Variants in EPC2 observed in about 807,000 individuals in gnomAD.
EPC2 encodes the protein enhancer of polycomb homolog 2.
A neutral mutation model predicts 92.1 loss-of-function variants in EPC2; 14 were observed. That is an observed-to-expected ratio of 0.15 (90% CI 0.10 to 0.24). EPC2 has a LOEUF of 0.24. Ranked by LOEUF, EPC2 falls within the 10% of genes least tolerant of loss-of-function variation. The probability of loss-of-function intolerance (pLI) is 1.00; values close to 1 mark genes in which losing one functional copy is unlikely to be tolerated. For missense variants in EPC2, 755 were observed against 971.5 expected, an observed-to-expected ratio of 0.78 and a Z score of 2.96; for synonymous variants, 340 against 334.7, an observed-to-expected ratio of 1.02 and a Z score of -0.17.
intron 7 of EPC2, among the ~76,000 whole-genome samples, chr2:148,768,287 TGG>T (rs1683453971): frequency 6.6e-6 from 1 of 152,184 alleles, no homozygotes; most frequent in African/African-American, 2.4e-5. Context: ...TTAATAATTA[TGG>T]GTGGAAATTT....
chr2:148,647,213 A>G (rs1460126534), intron 1 of EPC2, among the ~76,000 whole-genome samples: 1 of 152,192 alleles, frequency 6.6e-6, no homozygotes, highest in African/African-American at 2.4e-5. Context: ...TTAGTATGCC[A>G]CATATGTTTT....
rs115182907 is a variant in EPC2, at chr2:148,760,483, G to A, written c.667-1299G>A. On this transcript the variant is annotated intron_variant, in intron 4 of 13. Transcript: ENST00000258484. ...ATCCTTACTAGATTCTAAGCCTTTT[G>A]AGGGTAAGGGACATGTGCAATACCC... Among the ~76,000 whole-genome samples the A allele has an allele frequency of 7.2e-3, 1,090 of 152,204 alleles. 6 individuals carry two copies. The highest frequency in any genetic ancestry group is 0.025 in the African/African-American group (1,025 of 41,506).
rs1306942293 is a variant in EPC2, at chr2:148,784,670, A to C, written c.2020A>C (p.Thr674Pro). Residue 674 changes from threonine (T) to proline (P), a missense_variant and splice_region_variant, in exon 13 of 14, where the codon ACC (threonine) becomes CCC (proline). Physicochemically the swap from Thr to Pro is conservative, Grantham distance 38. This residue lies in a region of EPC2 where 207 missense variants were observed against 260.5 expected (regional missense o/e 0.79). Coordinates refer to ENST00000258484, the MANE Select transcript of EPC2 (RefSeq NM_015630.4). ...TGAATGACTTCTTTCTTTTTCAGGA[A>C]CCTCTAAAACATTATACTCCACCAA... ...NINGVVQPSGTSKTLYSTNMA... is the reference protein window; with the variant it reads ...NINGVVQPSGPSKTLYSTNMA... 8.3e-6 allele frequency: 13 copies of C among 1,570,646 alleles called. No individual in the cohort carries two copies. Among genetic ancestry groups the C allele is most frequent in the Admixed American group, 1.9e-5 (1 of 52,392 alleles).
intron 2 of EPC2, among the ~76,000 whole-genome samples, chr2:148,727,864 T>G (rs746728560): frequency 3.3e-5 from 5 of 152,068 alleles, no homozygotes; most frequent in Non-Finnish European, 7.4e-5. Flanking sequence ...AAAAGAAAAG[T>G]GTATAAAAAT....
intron 4 of EPC2, among the ~76,000 whole-genome samples, chr2:148,754,428 T>C: frequency 6.6e-6 from 1 of 152,200 alleles, no homozygotes; most frequent in East Asian, 1.9e-4. Flanking sequence ...TGCTTGCAGT[T>C]GAAGTGATAA....
At chr2:148,688,525 C>G (rs1681576097) in intron 1 of EPC2, among the ~76,000 whole-genome samples, 1 of 152,022 alleles carries the variant, frequency 6.6e-6, no homozygotes, top group African/African-American at 2.4e-5. Flanking sequence ...AACAAACCTG[C>G]ACATTGTACA....
At chr2:148,772,420 G>C (rs939439394) in intron 10 of EPC2, among the ~76,000 whole-genome samples, 1 of 151,972 alleles carries the variant, frequency 6.6e-6, no homozygotes, top group African/African-American at 2.4e-5. Flanking sequence ...ATTATTTCCT[G>C]GATGATGCAT....
chr2:148,646,625 C>T (rs1174841764), intron 1 of EPC2, among the ~76,000 whole-genome samples: 4 of 148,742 alleles, frequency 2.7e-5, no homozygotes, highest in Non-Finnish European at 4.4e-5. Context: ...TTGTTTCTAA[C>T]GACTCAGTTT....
chr2:148,678,101 G>A (rs1681308716), intron 1 of EPC2, among the ~76,000 whole-genome samples: 1 of 152,196 alleles, frequency 6.6e-6, no homozygotes, highest in Non-Finnish European at 1.5e-5. Context: ...GGCGCTGATT[G>A]GCGCATTTAC....
At chr2:148,683,877 A>G (rs916129166) in intron 1 of EPC2, among the ~76,000 whole-genome samples, 1 of 152,230 alleles carries the variant, frequency 6.6e-6, no homozygotes, top group African/African-American at 2.4e-5. Flanking sequence ...TCCTTTGGGT[A>G]GTTACCCGGT....
intron 2 of EPC2, among the ~76,000 whole-genome samples, chr2:148,716,733 A>G (rs950613301): frequency 6.6e-6 from 1 of 152,182 alleles, no homozygotes; most frequent in Non-Finnish European, 1.5e-5. Context: ...AGGTTTTGGT[A>G]TCAGGATGAT....
In EPC2 at chr2:148,645,145, C is replaced by G; in HGVS notation, c.128C>G (p.Thr43Ser). The G allele has an allele frequency of 6.2e-7, 1 of 1,609,884 alleles. No individual in the cohort carries two copies. Among genetic ancestry groups the G allele is most frequent in the Middle Eastern group, 1.7e-4 (1 of 6,052 alleles). ...AACCGGGCCGTGCCCCAGATGCCCACCGGGATGGAGAAGGAGGAGGAATCG... is the reference window on the plus strand; with the variant it reads ...AACCGGGCCGTGCCCCAGATGCCCAGCGGGATGGAGAAGGAGGAGGAATCG... ...SINRAVPQMP[T>S]GMEKEEESEH... is the part of the protein sequence containing the mutation. Residue 43 changes from threonine (T) to serine (S), a missense_variant, in exon 1 of 14, where the codon ACC becomes AGC. Physicochemically the swap from Thr to Ser is moderately conservative, Grantham distance 58. Coordinates refer to ENST00000258484, the MANE Select transcript of EPC2 (RefSeq NM_015630.4).
intron 11 of EPC2, among the ~76,000 whole-genome samples, chr2:148,783,348 A>C (rs1040931564): frequency 6.6e-6 from 1 of 152,178 alleles, no homozygotes; most frequent in African/African-American, 2.4e-5. Context: ...TTTTTGGAAA[A>C]ATTAATAGAA....
At chr2:148,667,687 A>G (rs1681080615) in intron 1 of EPC2, among the ~76,000 whole-genome samples, 3 of 152,148 alleles carry the variant, frequency 2.0e-5, no homozygotes, top group Non-Finnish European at 4.4e-5. Context: ...CCAGTACAAT[A>G]TTGAATAGAA....
At chr2:148,709,817 C>T (rs905893899) in intron 2 of EPC2, among the ~76,000 whole-genome samples, 1 of 152,152 alleles carries the variant, frequency 6.6e-6, no homozygotes, top group African/African-American at 2.4e-5. Flanking sequence ...AACCTGGATC[C>T]CTTCCTTACA....
intron 2 of EPC2, among the ~76,000 whole-genome samples, chr2:148,734,123 G>A (rs1365850207): frequency 2.0e-5 from 3 of 151,926 alleles, no homozygotes; most frequent in African/African-American, 7.3e-5. Context: ...TTATATATAT[G>A]GACTCACAGA....
chr2:148,710,010 A>G (rs1398803954), intron 2 of EPC2, among the ~76,000 whole-genome samples: 1 of 138,178 alleles, frequency 7.2e-6, no homozygotes, highest in East Asian at 1.9e-4. Flanking sequence ...ATCTAATTAA[A>G]CTAAAGAGCT....
intron 10 of EPC2, among the ~76,000 whole-genome samples, chr2:148,773,580 CACTG>C (rs1408425834): frequency 1.3e-5 from 2 of 152,040 alleles, no homozygotes; most frequent in Admixed American, 6.6e-5. Context: ...CATTCTTCTT[CACTG>C]ACTGTGACCC....
chr2:148,733,872 C>A (rs1055227766), intron 2 of EPC2, among the ~76,000 whole-genome samples: 2 of 152,128 alleles, frequency 1.3e-5, no homozygotes, highest in African/African-American at 4.8e-5. Context: ...CACAGCCTTA[C>A]CAAAAACAAG....
Sources: allele counts gnomAD v4.1 joint callset (sites outside exome capture counted in the v4.1 genomes callset), GRCh38; gene constraint gnomAD v4.1.1; regional missense constraint gnomAD v4.1.1; transcripts MANE v1.5; gene names NCBI Gene and HGNC (gene_info 2026-07-23, HGNC 2026-07-21).